The following TENM4 variants were observed in gnomAD, a reference collection of about 807,000 sequenced individuals.
The protein encoded by TENM4 is teneurin-4.
Under a neutral mutation model 243.3 loss-of-function variants are expected in TENM4, and 82 were observed. The observed-to-expected ratio is 0.34, with a 90% CI of 0.28 to 0.40. The LOEUF is 0.40. Among genes scored for constraint, TENM4 ranks in the 10% least tolerant of loss-of-function variants. The pLI is 1.00. For missense variants in TENM4, 3,138 were observed against 3,673.3 expected, an observed-to-expected ratio of 0.85 and a Z score of 3.77; for synonymous variants, 1,412 against 1,456.3, an observed-to-expected ratio of 0.97 and a Z score of 0.69.
intron 6 of TENM4, among the ~76,000 whole-genome samples, chr11:78,923,827 A>AC (rs1856497530): frequency 7.1e-6 from 1 of 140,376 alleles, no homozygotes; most frequent in Non-Finnish European, 1.5e-5. Flanking sequence ...AGCATGAGCC[A>AC]CCATACCTCG....
At chr11:78,923,843 C>CTT (rs34116618) in intron 6 of TENM4, among the ~76,000 whole-genome samples, 208 of 142,726 alleles carry the variant, frequency 1.5e-3, no homozygotes, top group East Asian at 0.014. Flanking sequence ...CCTCGCTATT[C>CTT]TTTTTTTTTT....
chr11:78,950,939 G>A (rs540527021), intron 6 of TENM4, among the ~76,000 whole-genome samples: 1 of 152,332 alleles, frequency 6.6e-6, no homozygotes, highest in East Asian at 1.9e-4. Context: ...CACTGTAGGT[G>A]CTCAGGAATG....
chr11:78,698,121 G>C (rs1211072456), intron 28 of TENM4, among the ~76,000 whole-genome samples: 1 of 152,202 alleles, frequency 6.6e-6, no homozygotes, highest in Admixed American at 6.5e-5. Flanking sequence ...CTTGTTTCAG[G>C]CCGGGTGCGG....
At chr11:79,421,133 GA>G (rs1555067715) in intron 1 of TENM4, among the ~76,000 whole-genome samples, 2 of 152,172 alleles carry the variant, frequency 1.3e-5, no homozygotes, top group Non-Finnish European at 2.9e-5. Flanking sequence ...AGAGGCATTC[GA>G]AAGCACACTG....
In TENM4 at chr11:78,958,369, G is replaced by T. The variant is rs1210342396; in HGVS notation, c.494-54846C>A. On this transcript the variant is annotated intron_variant, in intron 6 of 33. Coordinates refer to ENST00000278550, the MANE Select transcript of TENM4 (RefSeq NM_001098816.3). ...ATATTTATTCTGAAAAGTTTCTATG[G>T]GGTAGGGACGAATACCTACTTAATC... is the stretch of plus-strand genomic sequence containing the variant. Among the ~76,000 whole-genome samples the T allele has an allele frequency of 2.0e-5, 3 of 152,260 alleles. No homozygotes were observed. In the South Asian group the frequency reaches 6.2e-4, roughly 32 times the overall value.
At chr11:79,328,219 G>A (rs1216316404) in intron 1 of TENM4, among the ~76,000 whole-genome samples, 1 of 152,238 alleles carries the variant, frequency 6.6e-6, no homozygotes, top group African/African-American at 2.4e-5. Context: ...CTACTTGGAT[G>A]TGATGGTTCT....
intron 6 of TENM4, among the ~76,000 whole-genome samples, chr11:79,059,169 C>T (rs910912708): frequency 7.9e-5 from 12 of 152,172 alleles, no homozygotes; most frequent in African/African-American, 2.9e-4. Context: ...GCAGGGGTAA[C>T]TGTGATTCTG....
At chr11:79,127,082 C>T (rs557837832) in intron 4 of TENM4, among the ~76,000 whole-genome samples, 1 of 152,074 alleles carries the variant, frequency 6.6e-6, no homozygotes, top group Non-Finnish European at 1.5e-5. Context: ...GTTGCCATTT[C>T]CCCAGTGCTA....
intron 14 of TENM4, among the ~76,000 whole-genome samples, chr11:78,810,060 G>A (rs900291556): frequency 1.3e-5 from 2 of 151,956 alleles, no homozygotes; most frequent in East Asian, 3.9e-4. Context: ...GAAGGAAGGG[G>A]GAGAAAAAAA....
chr11:79,410,404 G>A (rs1276299241), intron 1 of TENM4, among the ~76,000 whole-genome samples: 1 of 152,100 alleles, frequency 6.6e-6, no homozygotes, highest in African/African-American at 2.4e-5. Flanking sequence ...CTCCACAAGG[G>A]CAGAGAGACT....
chr11:79,111,835 G>C (rs1002207171), intron 4 of TENM4, among the ~76,000 whole-genome samples: 7 of 152,216 alleles, frequency 4.6e-5, no homozygotes, highest in Middle Eastern at 3.4e-3. Flanking sequence ...AGGTGGGAGG[G>C]GGGTGGTCAA....
intron 3 of TENM4, among the ~76,000 whole-genome samples, chr11:79,175,207 T>C (rs1863134016): frequency 6.6e-6 from 1 of 152,200 alleles, no homozygotes; most frequent in South Asian, 2.1e-4. Flanking sequence ...CCTGTAAAAA[T>C]GTCCAATGCC....
chr11:78,762,383 C>G (rs1856450083), intron 18 of TENM4, among the ~76,000 whole-genome samples: 1 of 152,154 alleles, frequency 6.6e-6, no homozygotes, highest in African/African-American at 2.4e-5. Flanking sequence ...TGCAGTTTGG[C>G]CTTAGAGAAC....
intron 6 of TENM4, among the ~76,000 whole-genome samples, chr11:78,972,679 C>T (rs995494753): frequency 6.6e-6 from 1 of 152,122 alleles, no homozygotes; most frequent in Non-Finnish European, 1.5e-5. Context: ...TTTATTGATG[C>T]ATAATTCACA....
At chr11:78,879,406 G>A (rs949240520) in intron 9 of TENM4, among the ~76,000 whole-genome samples, 859 of 64,520 alleles carry the variant, frequency 0.013, no homozygotes, top group East Asian at 0.023. Flanking sequence ...CTGGGAGGTG[G>A]GGAGTGCCTC....
chr11:78,746,004 G>T (rs971736926), intron 19 of TENM4, among the ~76,000 whole-genome samples: 5 of 152,116 alleles, frequency 3.3e-5, no homozygotes, highest in African/African-American at 4.8e-5. Flanking sequence ...CCCAGCTGGA[G>T]TGCAGTGGCA....
chr11:79,178,454 AG>A (rs1241313971), intron 3 of TENM4, among the ~76,000 whole-genome samples: 1 of 152,162 alleles, frequency 6.6e-6, no homozygotes, highest in African/African-American at 2.4e-5. Flanking sequence ...AGGATTCATG[AG>A]GAGGAAGAAC....
intron 1 of TENM4, among the ~76,000 whole-genome samples, chr11:79,347,342 G>C (rs1488140388): frequency 1.3e-5 from 2 of 152,068 alleles, no homozygotes; most frequent in Non-Finnish European, 2.9e-5. Flanking sequence ...AACCCTCATG[G>C]CTTCCTCTGC....
chr11:79,148,133 G>A (rs930328606), intron 4 of TENM4, among the ~76,000 whole-genome samples: 2 of 152,118 alleles, frequency 1.3e-5, no homozygotes, highest in African/African-American at 4.8e-5. Context: ...ATCACTGGAG[G>A]TGCTCTGTCT....
Sources: gnomAD v4.1 joint callset for allele counts (sites outside exome capture counted in the v4.1 genomes callset) on GRCh38, gnomAD v4.1.1 for gene constraint, MANE v1.5 for transcripts, NCBI Gene and HGNC (gene_info 2026-07-23, HGNC 2026-07-21) for gene names.